AKR1C8: variants seen among roughly 807,000 people sequenced by gnomAD.
AKR1C8 encodes the protein aldo-keto reductase family 1 member C-like protein 1.
At chr10:5,170,743 G>A in the AKR1C8 span, among the ~76,000 whole-genome samples, 2 of 152,108 alleles carry the variant, frequency 1.3e-5, no homozygotes, top group African/African-American at 4.8e-5. Context: ...ATTCCTTAAA[G>A]GAAAGCACAC....
chr10:5,143,495 C>T, the AKR1C8 span, among the ~76,000 whole-genome samples: 1 of 152,122 alleles, frequency 6.6e-6, no homozygotes, highest in Non-Finnish European at 1.5e-5. Context: ...ATGGCACTGG[C>T]TTTCATGGTT....
At chr10:5,153,602 C>G in the AKR1C8 span, among the ~76,000 whole-genome samples, 1 of 152,100 alleles carries the variant, frequency 6.6e-6, no homozygotes, top group African/African-American at 2.4e-5. Context: ...AGGAAACTTA[C>G]AGTCATGGTG....
chr10:5,130,100 C>T, the AKR1C8 span, among the ~76,000 whole-genome samples: 1 of 151,676 alleles, frequency 6.6e-6, no homozygotes, highest in Non-Finnish European at 1.5e-5. Flanking sequence ...CCCAAGGGTG[C>T]AGGGATGGTA....
chr10:5,174,888 A>G, the AKR1C8 span, among the ~76,000 whole-genome samples: 1 of 152,064 alleles, frequency 6.6e-6, no homozygotes, highest in Non-Finnish European at 1.5e-5. Context: ...ACCACGGTCT[A>G]TATAAACATA....
At chr10:5,171,294 C>G in the AKR1C8 span, among the ~76,000 whole-genome samples, 1 of 151,916 alleles carries the variant, frequency 6.6e-6, no homozygotes, top group African/African-American at 2.4e-5. Flanking sequence ...TTTAAGGTAG[C>G]CATAGTTGAA....
chr10:5,155,893 C>T, the AKR1C8 span: 2 of 351,936 alleles, frequency 5.7e-6, no homozygotes, highest in South Asian at 4.8e-5. Flanking sequence ...CTTCCAGGTG[C>T]ATGTGGCTTG....
chr10:5,161,816 G>A, the AKR1C8 span: 1 of 534,586 alleles, frequency 1.9e-6, no homozygotes, highest in Non-Finnish European at 3.8e-6. Flanking sequence ...TAACCATGAT[G>A]AAACAGTCTT....
chr10:5,168,520 G>C, the AKR1C8 span, among the ~76,000 whole-genome samples: 1 of 152,042 alleles, frequency 6.6e-6, no homozygotes, highest in Non-Finnish European at 1.5e-5. Flanking sequence ...CAACTAGAGG[G>C]AGACCTGGGC....
At chr10:5,168,559 T>A in the AKR1C8 span, among the ~76,000 whole-genome samples, 2 of 152,140 alleles carry the variant, frequency 1.3e-5, no homozygotes, top group African/African-American at 4.8e-5. Context: ...GATAGATACA[T>A]GAAGGCTTTC....
At chr10:5,173,328 C>G in the AKR1C8 span, among the ~76,000 whole-genome samples, 1 of 152,014 alleles carries the variant, frequency 6.6e-6, no homozygotes, top group African/African-American at 2.4e-5. Context: ...TGAATGCAAG[C>G]AATGCCTTTA....
chr10:5,182,985 A>G, the AKR1C8 span, among the ~76,000 whole-genome samples: 1 of 152,162 alleles, frequency 6.6e-6, no homozygotes, highest in African/African-American at 2.4e-5. Context: ...TTATTTTACA[A>G]ACAACTCAGT....
the AKR1C8 span, among the ~76,000 whole-genome samples, chr10:5,181,503 T>C: frequency 6.6e-6 from 1 of 152,144 alleles, no homozygotes; most frequent in Non-Finnish European, 1.5e-5. Context: ...AGTTTCAAGA[T>C]TGTCTTCCCT....
At chr10:5,171,924 A>G in the AKR1C8 span, among the ~76,000 whole-genome samples, 1 of 152,054 alleles carries the variant, frequency 6.6e-6, no homozygotes. Context: ...TTTCTTACAC[A>G]CCTTGCACAT....
the AKR1C8 span, among the ~76,000 whole-genome samples, chr10:5,128,740 A>T: frequency 6.6e-6 from 1 of 152,130 alleles, no homozygotes; most frequent in Non-Finnish European, 1.5e-5. Context: ...AGAATATATT[A>T]CAATCTTAAA....
the AKR1C8 span, among the ~76,000 whole-genome samples, chr10:5,178,908 C>A: frequency 6.0e-4 from 92 of 152,294 alleles, 1 homozygote; most frequent in African/African-American, 1.9e-3. Flanking sequence ...ATACAGCACA[C>A]TGATGGGTCT....
chr10:5,127,556 T>C, the AKR1C8 span, among the ~76,000 whole-genome samples: 3 of 151,290 alleles, frequency 2.0e-5, no homozygotes, highest in African/African-American at 7.3e-5. Context: ...CAGTCTCTAC[T>C]AAAAATATAA....
At chr10:5,137,597 A>T in the AKR1C8 span, among the ~76,000 whole-genome samples, 2 of 152,192 alleles carry the variant, frequency 1.3e-5, no homozygotes, top group African/African-American at 4.8e-5. Flanking sequence ...AGAGCTATTT[A>T]TGACAAACCC....
chr10:5,175,440 G>C, the AKR1C8 span, among the ~76,000 whole-genome samples: 1 of 152,092 alleles, frequency 6.6e-6, no homozygotes, highest in African/African-American at 2.4e-5. Flanking sequence ...AAACATATGT[G>C]TGCATGTGTC....
the AKR1C8 span, among the ~76,000 whole-genome samples, chr10:5,120,591 G>A: frequency 6.6e-6 from 1 of 152,026 alleles, no homozygotes; most frequent in African/African-American, 2.4e-5. Context: ...ATTGAATAGG[G>A]TCACAGAGAT....
Sources: allele counts gnomAD v4.1 joint callset (sites outside exome capture counted in the v4.1 genomes callset), GRCh38; gene constraint gnomAD v4.1.1; transcripts MANE v1.5; gene names NCBI Gene and HGNC (gene_info 2026-07-23, HGNC 2026-07-21).